LRFN2: variants seen among roughly 807,000 people sequenced by gnomAD.
The protein encoded by LRFN2 is leucine-rich repeat and fibronectin type-III domain-containing protein 2.
LRFN2 carries 18 observed loss-of-function variants against 37.3 expected under a neutral mutation model. The ratio of observed to expected loss-of-function variants is 0.48; its 90% CI spans 0.33 to 0.72. LRFN2 has a LOEUF of 0.72. Ranked by LOEUF, LRFN2 falls within the 30% of genes least tolerant of loss-of-function variation. LRFN2 has a pLI of 0.02. For synonymous variants in LRFN2, 556 were observed against 466.6 expected (o/e 1.19, Z -2.47); for missense variants, 1,006 against 1,060.7 (o/e 0.95, Z 0.72).
At chr6:40,409,849 G>A (rs1437756369) in intron 2 of LRFN2, among the ~76,000 whole-genome samples, 1 of 152,176 alleles carries the variant, frequency 6.6e-6, no homozygotes, top group African/African-American at 2.4e-5. Context: ...CCTGGTGAGA[G>A]ACTAGCTGGG....
At position 40,391,857 on chromosome 6, in the gene LRFN2, C is replaced by G; in HGVS notation, c.*86G>C. On this transcript the variant is annotated 3_prime_UTR_variant, in exon 3 of 3. Transcript: ENST00000338305. Reference sequence around the variant, plus strand: ...AACTGTCCCTGGATGTAAACATCACCATGGAAACTCCACAAACACTTGCCA... The same window carrying G: ...AACTGTCCCTGGATGTAAACATCACGATGGAAACTCCACAAACACTTGCCA... 7.2e-7 allele frequency: 1 copy of G among 1,380,278 alleles called. No individual in the cohort carries two copies. Among genetic ancestry groups the G allele is most frequent in the Non-Finnish European group, 9.7e-7 (1 of 1,031,146 alleles). 85.5% of individuals were successfully genotyped at this position (1,380,278 alleles called of 1,614,324 possible).
intron 1 of LRFN2, among the ~76,000 whole-genome samples, chr6:40,571,953 A>G (rs1767196291): frequency 6.6e-6 from 1 of 152,192 alleles, no homozygotes; most frequent in African/African-American, 2.4e-5. Flanking sequence ...GAGGTTCTGA[A>G]GCTGCCCAGA....
intron 2 of LRFN2, among the ~76,000 whole-genome samples, chr6:40,428,728 A>T (rs1763412109): frequency 6.6e-6 from 1 of 152,214 alleles, no homozygotes; most frequent in South Asian, 2.1e-4. Flanking sequence ...TAAATGAGAT[A>T]CTGCCTGTAA....
chr6:40,553,365 G>T (rs747831538), intron 1 of LRFN2, among the ~76,000 whole-genome samples: 1 of 152,144 alleles, frequency 6.6e-6, no homozygotes, highest in East Asian at 1.9e-4. Flanking sequence ...TATAACTGGC[G>T]TGTAAGGGCT....
At chr6:40,518,932 G>T (rs1282109945) in intron 1 of LRFN2, among the ~76,000 whole-genome samples, 1 of 152,214 alleles carries the variant, frequency 6.6e-6, no homozygotes, top group African/African-American at 2.4e-5. Context: ...GGAAATGGAA[G>T]TGGAGAGTCT....
At chr6:40,522,663 G>A (rs1227925961) in intron 1 of LRFN2, among the ~76,000 whole-genome samples, 1 of 152,168 alleles carries the variant, frequency 6.6e-6, no homozygotes, top group African/African-American at 2.4e-5. Context: ...ACCTGCACCA[G>A]AATTCCAGGG....
At chr6:40,573,730 C>A (rs1305526119) in intron 1 of LRFN2, among the ~76,000 whole-genome samples, 2 of 152,182 alleles carry the variant, frequency 1.3e-5, no homozygotes, top group East Asian at 3.9e-4. Context: ...GTAATCCCAG[C>A]ACTTTGGGAG....
At chr6:40,484,533 A>G (rs1764908434) in intron 1 of LRFN2, among the ~76,000 whole-genome samples, 1 of 152,106 alleles carries the variant, frequency 6.6e-6, no homozygotes, top group Non-Finnish European at 1.5e-5. Flanking sequence ...GATGGGCCCT[A>G]GATACTGCAC....
intron 1 of LRFN2, among the ~76,000 whole-genome samples, chr6:40,479,550 A>C (rs1764780947): frequency 6.6e-6 from 1 of 152,148 alleles, no homozygotes; most frequent in African/African-American, 2.4e-5. Context: ...ACTTTCTAAA[A>C]TTTCCAGGAG....
intron 1 of LRFN2, among the ~76,000 whole-genome samples, chr6:40,552,842 G>A (rs1298289833): frequency 6.6e-6 from 1 of 152,024 alleles, no homozygotes; most frequent in African/African-American, 2.4e-5. Flanking sequence ...AAAAAAATCA[G>A]TTCCCATCAT....
intron 1 of LRFN2, among the ~76,000 whole-genome samples, chr6:40,456,362 G>T (rs909507588): frequency 3.3e-5 from 5 of 152,208 alleles, no homozygotes; most frequent in African/African-American, 1.2e-4. Context: ...CAGAGGAGAA[G>T]GACAATGAAC....
In LRFN2 at chr6:40,482,897, G is replaced by A. The variant is rs577954978; in HGVS notation, c.-18-49766C>T. Reference sequence around the variant, plus strand: ...TGGTGCAGGCCTGCCAAGGACTCCCGGACATGACTAGGGCGCCTAAGGGGC... The same window carrying A: ...TGGTGCAGGCCTGCCAAGGACTCCCAGACATGACTAGGGCGCCTAAGGGGC... On this transcript the variant is annotated intron_variant, in intron 1 of 2. Transcript: ENST00000338305. Among the ~76,000 whole-genome samples, 4 of 152,292 alleles carry A rather than the reference G, an allele frequency of 2.6e-5. No homozygotes were observed. The South Asian group carries it at 6.2e-4, about 24-fold the overall frequency.
Position 40,432,224 on chromosome 6 carries a change from T to G in LRFN2, c.890A>C (p.Lys297Thr), listed in dbSNP as rs927961210. The change falls in exon 2 of 3, where the codon AAG becomes ACG. Residue 297 changes from lysine (K) to threonine (T), a missense_variant. Transcript: ENST00000338305. Reference sequence around the variant, plus strand: ...CGCCTGGCCCTCCAGAACCAGCAACTTGTGTGTGTGCTGGGTGATGAGAGG... The same window carrying G: ...CGCCTGGCCCTCCAGAACCAGCAACGTGTGTGTGTGCTGGGTGATGAGAGG... ...EPPLITQHTH[K>T]LLVLEGQAAT... The G allele has an allele frequency of 6.2e-7, 1 of 1,613,872 alleles. No individual in the cohort carries two copies. Among genetic ancestry groups the G allele is most frequent in the Admixed American group, 1.7e-5 (1 of 60,006 alleles).
rs113208537 is a variant in LRFN2 at position 40,420,493 on chromosome 6, G to T, written c.1400+11221C>A. On this transcript the variant is annotated intron_variant, in intron 2 of 2. Transcript: ENST00000338305. ...CCCCATCAGCTTCCCCCCCAGGCTG[G>T]CCTCAGCCACAAACTGGCTACTGGT... Among the ~76,000 whole-genome samples, 1,248 of 152,330 alleles carry T rather than the reference G, an allele frequency of 8.2e-3. 19 individuals are homozygous for T. Among genetic ancestry groups the T allele is most frequent in the African/African-American group, 0.028 (1,169 of 41,572 alleles).
At chr6:40,543,607 G>T (rs1766596955) in intron 1 of LRFN2, among the ~76,000 whole-genome samples, 3 of 152,134 alleles carry the variant, frequency 2.0e-5, no homozygotes, top group African/African-American at 7.2e-5. Context: ...CTTTTTTTCA[G>T]CTCGAAGCCT....
At chr6:40,517,909 G>A (rs205522) in intron 1 of LRFN2, among the ~76,000 whole-genome samples, 6,774 of 152,194 alleles carry the variant, frequency 0.045, 542 homozygotes, top group African/African-American at 0.15. Context: ...CATGAGCTAA[G>A]AGGGGGTCCA....
chr6:40,443,835 T>C (rs1763902153), intron 1 of LRFN2, among the ~76,000 whole-genome samples: 1 of 152,130 alleles, frequency 6.6e-6, no homozygotes, highest in African/African-American at 2.4e-5. Context: ...TACTCAGCCT[T>C]CCACCCCTAG....
chr6:40,575,329 C>A (rs1456842211), intron 1 of LRFN2, among the ~76,000 whole-genome samples: 1 of 150,034 alleles, frequency 6.7e-6, no homozygotes, highest in Non-Finnish European at 1.5e-5. Context: ...GCAGCTTTGC[C>A]TCTTAAACAA....
At chr6:40,463,419 T>A (rs912318909) in intron 1 of LRFN2, among the ~76,000 whole-genome samples, 1 of 152,138 alleles carries the variant, frequency 6.6e-6, no homozygotes, top group African/African-American at 2.4e-5. Flanking sequence ...TTCCACTCTG[T>A]GGACAGAGGG....
Sources: gnomAD v4.1 joint callset for allele counts (sites outside exome capture counted in the v4.1 genomes callset) on GRCh38, gnomAD v4.1.1 for gene constraint, MANE v1.5 for transcripts, NCBI Gene and HGNC (gene_info 2026-07-23, HGNC 2026-07-21) for gene names.